The following ANKRD11 variants were observed in gnomAD, a reference collection of about 807,000 sequenced individuals.
ANKRD11 encodes the protein ankyrin repeat domain 11.
Under a neutral mutation model 195.7 loss-of-function variants are expected in ANKRD11, and 17 were observed. The observed-to-expected ratio is 0.09, with a 90% CI of 0.06 to 0.13. ANKRD11 has a LOEUF of 0.13. ANKRD11 is among the 10% of genes least tolerant of loss of function. The probability of loss-of-function intolerance (pLI) is 1.00; values close to 1 mark genes in which losing one functional copy is unlikely to be tolerated. For synonymous variants in ANKRD11, 1,953 were observed against 1,528.1 expected, an observed-to-expected ratio of 1.28 and a Z score of -6.49; for missense variants, 3,735 against 3,566.1, an observed-to-expected ratio of 1.05 and a Z score of -1.21.
intron 2 of ANKRD11, among the ~76,000 whole-genome samples, chr16:89,325,465 TCTCTCACACA>T (rs2037653356): frequency 7.2e-6 from 1 of 139,346 alleles, no homozygotes; most frequent in African/African-American, 3.0e-5. Context: ...TCTCTCTCTC[TCTCTCACACA>T]CACACACACA....
At chr16:89,340,257 C>A (rs1415334539) in intron 2 of ANKRD11, among the ~76,000 whole-genome samples, 1 of 152,206 alleles carries the variant, frequency 6.6e-6, no homozygotes, top group African/African-American at 2.4e-5. Flanking sequence ...TTGATTAGGG[C>A]AGATGTCTTC....
chr16:89,374,904 C>T (rs2040353449), intron 2 of ANKRD11, among the ~76,000 whole-genome samples: 1 of 152,054 alleles, frequency 6.6e-6, no homozygotes, highest in South Asian at 2.1e-4. Context: ...GAAAGAATTA[C>T]AAACCATACA....
intron 12 of ANKRD11, chr16:89,270,560 G>A: frequency 3.8e-6 from 2 of 528,784 alleles, no homozygotes; most frequent in Non-Finnish European, 6.9e-6. Flanking sequence ...TCAAGCCTAG[G>A]GTCCTGTTGA....
chr16:89,478,349 G>A (rs979381781), intron 1 of ANKRD11, among the ~76,000 whole-genome samples: 2 of 151,604 alleles, frequency 1.3e-5, no homozygotes, highest in African/African-American at 4.8e-5. Context: ...TTTTTTTAAC[G>A]TCCTTCAAAT....
intron 2 of ANKRD11, among the ~76,000 whole-genome samples, chr16:89,370,981 C>T (rs190254389): frequency 4.6e-5 from 7 of 152,242 alleles, no homozygotes; most frequent in East Asian, 1.9e-4. Flanking sequence ...CCTAGGGCTC[C>T]GTCCCTTGCT....
At chr16:89,463,457 A>G (rs2152337469) in intron 1 of ANKRD11, among the ~76,000 whole-genome samples, 1 of 152,358 alleles carries the variant, frequency 6.6e-6, no homozygotes. Flanking sequence ...TTTGTTAAAC[A>G]GACGGTTGAA....
At chr16:89,298,663 T>C (rs898854563) in intron 4 of ANKRD11, among the ~76,000 whole-genome samples, 2 of 152,162 alleles carry the variant, frequency 1.3e-5, no homozygotes, top group African/African-American at 4.8e-5. Context: ...CTGTGTTGTG[T>C]TGACAACATG....
chr16:89,346,400 T>C (rs1437599530), intron 2 of ANKRD11, among the ~76,000 whole-genome samples: 1 of 152,144 alleles, frequency 6.6e-6, no homozygotes, highest in Non-Finnish European at 1.5e-5. Flanking sequence ...AAGACCAAGC[T>C]GGAGCTAAAC....
At chr16:89,459,118 T>C (rs1336251768) in intron 1 of ANKRD11, 2 of 195,216 alleles carry the variant, frequency 1.0e-5, no homozygotes, top group Non-Finnish European at 2.3e-5. Flanking sequence ...ATGCTAAGAA[T>C]AAATTCTTGA....
chr16:89,450,870 T>C (rs1229855790), intron 1 of ANKRD11, among the ~76,000 whole-genome samples: 2 of 152,168 alleles, frequency 1.3e-5, no homozygotes, highest in East Asian at 1.9e-4. Context: ...CCATCAGCCA[T>C]GAAAATGACT....
intron 2 of ANKRD11, among the ~76,000 whole-genome samples, chr16:89,349,812 C>G (rs2039121074): frequency 6.6e-6 from 1 of 151,136 alleles, no homozygotes; most frequent in Non-Finnish European, 1.5e-5. Context: ...ACTTTAGCTG[C>G]TCTAAAGACA....
chr16:89,324,215 G>A, intron 2 of ANKRD11: 2 of 1,193,700 alleles, frequency 1.7e-6, no homozygotes, highest in Non-Finnish European at 2.1e-6. Flanking sequence ...CAGCATTACT[G>A]GCCTCTGCTT....
At chr16:89,457,915 A>C (rs1217655203) in intron 1 of ANKRD11, among the ~76,000 whole-genome samples, 1 of 152,176 alleles carries the variant, frequency 6.6e-6, no homozygotes, top group African/African-American at 2.4e-5. Context: ...CCAATACACA[A>C]TCGTCAGATT....
At chr16:89,293,396 G>C (rs1395276228) in intron 4 of ANKRD11, among the ~76,000 whole-genome samples, 2 of 151,974 alleles carry the variant, frequency 1.3e-5, no homozygotes, top group Non-Finnish European at 1.5e-5. Flanking sequence ...GGAGGAGCTG[G>C]GGCAGAGTTG....
chr16:89,431,872 T>C (rs765860651), intron 1 of ANKRD11, among the ~76,000 whole-genome samples: 4 of 152,134 alleles, frequency 2.6e-5, no homozygotes, highest in Non-Finnish European at 5.9e-5. Context: ...CACTCCTTCC[T>C]GTATCCCCTG....
At chr16:89,373,736 C>T (rs2040296310) in intron 2 of ANKRD11, among the ~76,000 whole-genome samples, 1 of 152,252 alleles carries the variant, frequency 6.6e-6, no homozygotes, top group African/African-American at 2.4e-5. Context: ...GGGAGGCATG[C>T]ACACGACACC....
rs534329317 is a variant in ANKRD11, at chr16:89,282,043, TGCTCGTCCCTGTGATGCCGCAGGA to T, written c.4475_4498del (p.Leu1492_Glu1499del). 796 of 1,613,712 alleles carry T rather than the reference TGCTCGTCCCTGTGATGCCGCAGGA, an allele frequency of 4.9e-4. 2 individuals carry two copies. The highest frequency in any genetic ancestry group is 2.7e-3 in the South Asian group (246 of 91,074). On this transcript the variant is annotated inframe_deletion, in exon 9 of 13. Coordinates refer to ENST00000301030, the MANE Select transcript of ANKRD11 (RefSeq NM_013275.6). ...GTCCTTGTCCCTGGTGGCGGGCTTC[TGCTCGTCCCTGTGATGCCGCAGGA>T]GCTCGTCCCTGTGATGCCGCAGCAG...
chr16:89,284,123 C>G lies in ANKRD11; in HGVS notation c.2419G>C (p.Val807Leu), dbSNP rs150485489. Reference protein sequence around the residue: ...EDKEKLKKEKVYREDSAFDEY... With the variant: ...EDKEKLKKEKLYREDSAFDEY... The stretch of plus-strand genomic sequence containing the variant: ...TCAAAAGCAGAATCTTCCCTATAAA[C>G]CTTTTCTTTTTTGAGTTTTTCTTTA... Residue 807 changes from valine (V) to leucine (L), a missense_variant, in exon 9 of 13, where the codon GTT (valine) becomes CTT (leucine). By Grantham distance (32) the Val-to-Leu change is conservative (BLOSUM62 1). Transcript: ENST00000301030. 1.9e-6 allele frequency: 3 copies of G among 1,609,108 alleles called. No homozygotes were observed. In the African/African-American group the frequency reaches 4.0e-5, roughly 22 times the overall value.
chr16:89,344,021 C>T (rs868858840), intron 2 of ANKRD11, among the ~76,000 whole-genome samples: 19 of 152,138 alleles, frequency 1.2e-4, no homozygotes, highest in Non-Finnish European at 1.9e-4. Flanking sequence ...TCGGTGCAGG[C>T]GGCCAGCCAC....
Sources: gnomAD v4.1 joint callset for allele counts (sites outside exome capture counted in the v4.1 genomes callset) on GRCh38, gnomAD v4.1.1 for gene constraint, MANE v1.5 for transcripts, NCBI Gene and HGNC (gene_info 2026-07-23, HGNC 2026-07-21) for gene names.